Variants in SIPA1L1 observed in about 807,000 individuals in gnomAD.
SIPA1L1 encodes signal induced proliferation associated 1 like 1.
Under a neutral mutation model 162.7 loss-of-function variants are expected in SIPA1L1, and 26 were observed. That is an observed-to-expected ratio of 0.16 (90% CI 0.12 to 0.22). The LOEUF (loss-of-function observed/expected upper bound fraction) is 0.22, where lower values mean the gene tolerates loss of function less well. Ranked by LOEUF, SIPA1L1 falls within the 10% of genes least tolerant of loss-of-function variation. The pLI, the probability that SIPA1L1 is intolerant of heterozygous loss-of-function variation, is 1.00. For synonymous variants in SIPA1L1, 829 were observed against 837.4 expected, an observed-to-expected ratio of 0.99 and a Z score of 0.17; for missense variants, 1,874 against 2,241.0, an observed-to-expected ratio of 0.84 and a Z score of 3.31.
At chr14:71,517,848 A>G (rs1269419711) in intron 3 of SIPA1L1, among the ~76,000 whole-genome samples, 1 of 152,104 alleles carries the variant, frequency 6.6e-6, no homozygotes, top group Non-Finnish European at 1.5e-5. Context: ...CGGATTGTTT[A>G]TCTTATACAT....
At chr14:71,500,769 G>A (rs1360879261) in intron 2 of SIPA1L1, among the ~76,000 whole-genome samples, 1 of 152,224 alleles carries the variant, frequency 6.6e-6, no homozygotes, top group East Asian at 1.9e-4. Context: ...CACTTTGGGA[G>A]GCCAAGGCGG....
chr14:71,476,623 G>A (rs2047875585), intron 2 of SIPA1L1, among the ~76,000 whole-genome samples: 2 of 151,314 alleles, frequency 1.3e-5, no homozygotes, highest in South Asian at 2.1e-4. Context: ...TTGTGCCTCC[G>A]AATAACAAAT....
chr14:71,376,961 ATCTC>A (rs1179280180), intron 2 of SIPA1L1, among the ~76,000 whole-genome samples: 2 of 152,138 alleles, frequency 1.3e-5, no homozygotes, highest in African/African-American at 4.8e-5. Context: ...TAACAATCTG[ATCTC>A]TCTTTCTTTT....
rs749187893 is a variant in SIPA1L1 at position 71,733,801 on chromosome 14, A to G, written c.4997A>G (p.Lys1666Arg). ...TGGTCCAACCTGGTAGATGCTGCCAAAGCCTATGAGGGTGAGTCCACTGAA... is the reference window on the plus strand; with the variant it reads ...TGGTCCAACCTGGTAGATGCTGCCAGAGCCTATGAGGGTGAGTCCACTGAA... ...LDWSNLVDAA[K>R]AYEVQRASFF... is the part of the protein sequence containing the mutation. Residue 1666 changes from lysine to arginine, a missense_variant, in exon 21 of 24, where the codon AAA becomes AGA. Physicochemically the swap from Lys to Arg is conservative, Grantham distance 26 (BLOSUM62 2). Coordinates refer to ENST00000381232, the MANE Select transcript of SIPA1L1 (RefSeq NM_001386936.1). 1 of 1,612,584 alleles carries G rather than the reference A, an allele frequency of 6.2e-7. No individual in the cohort carries two copies. The highest frequency in any genetic ancestry group is 8.5e-7 in the Non-Finnish European group (1 of 1,179,938).
chr14:71,738,175 A>C (rs1175621926), intron 22 of SIPA1L1, 66 bp from the exon 23 acceptor site: 16 of 787,868 alleles, frequency 2.0e-5, no homozygotes, highest in Admixed American at 8.8e-5. Flanking sequence ...AAAAAAAAAA[A>C]AAAAAAAAAA....
intron 2 of SIPA1L1, among the ~76,000 whole-genome samples, 178 bp from the exon 3 acceptor site, chr14:71,512,565 G>A (rs1392746036): frequency 7.8e-5 from 11 of 140,534 alleles, no homozygotes; most frequent in Non-Finnish European, 1.7e-4. Flanking sequence ...CCAGCCTGGC[G>A]ACAGAGCGAG....
intron 12 of SIPA1L1, among the ~76,000 whole-genome samples, chr14:71,679,168 G>A (rs1017682876): frequency 6.6e-6 from 1 of 152,300 alleles, no homozygotes; most frequent in East Asian, 1.9e-4. Context: ...AGGAAAAAGT[G>A]TTAAGGGCAG....
intron 4 of SIPA1L1, among the ~76,000 whole-genome samples, chr14:71,532,705 A>G (rs1417040803): frequency 2.0e-5 from 3 of 152,220 alleles, no homozygotes; most frequent in Non-Finnish European, 4.4e-5. Flanking sequence ...CTTGTTCTTT[A>G]AAAGTATTAT....
intron 2 of SIPA1L1, among the ~76,000 whole-genome samples, chr14:71,462,011 T>C (rs932129553): frequency 6.6e-6 from 1 of 152,222 alleles, no homozygotes; most frequent in African/African-American, 2.4e-5. Flanking sequence ...CTTCAGGATG[T>C]GCTCGAGCGC....
chr14:71,440,903 G>A (rs1039630534), intron 2 of SIPA1L1, among the ~76,000 whole-genome samples: 4 of 152,058 alleles, frequency 2.6e-5, no homozygotes, highest in South Asian at 4.1e-4. Context: ...GTGAAGGTGC[G>A]TGATACCTCT....
At chr14:71,425,741 C>A (rs2043511992) in intron 2 of SIPA1L1, among the ~76,000 whole-genome samples, 1 of 151,986 alleles carries the variant, frequency 6.6e-6, no homozygotes, top group Non-Finnish European at 1.5e-5. Flanking sequence ...TTTTTTGAGT[C>A]CTCTGTTTCC....
chr14:71,630,564 G>A (rs982753024), intron 7 of SIPA1L1, among the ~76,000 whole-genome samples: 1 of 152,140 alleles, frequency 6.6e-6, no homozygotes, highest in East Asian at 1.9e-4. Flanking sequence ...TTGAATTGTG[G>A]ATTGTGTTTT....
intron 5 of SIPA1L1, among the ~76,000 whole-genome samples, chr14:71,610,765 C>T (rs901678677): frequency 2.6e-5 from 4 of 152,120 alleles, no homozygotes; most frequent in African/African-American, 9.7e-5. Context: ...TAACTTCATA[C>T]TAAAGTTTGC....
chr14:71,352,167 G>T (rs1209302685), intron 2 of SIPA1L1, among the ~76,000 whole-genome samples: 2 of 151,956 alleles, frequency 1.3e-5, no homozygotes, highest in Non-Finnish European at 2.9e-5. Context: ...AAGCACAAAT[G>T]TACCATGGGA....
At chr14:71,712,418 C>G (rs534609500) in intron 17 of SIPA1L1, among the ~76,000 whole-genome samples, 283 of 152,064 alleles carry the variant, frequency 1.9e-3, no homozygotes, top group African/African-American at 6.7e-3. Context: ...TTATTGCTCC[C>G]TAGAATATAT....
intron 2 of SIPA1L1, among the ~76,000 whole-genome samples, chr14:71,350,863 A>G (rs745709007): frequency 6.6e-5 from 10 of 152,210 alleles, no homozygotes; most frequent in Non-Finnish European, 1.3e-4. Flanking sequence ...TATGAACAAG[A>G]TGGGAAAATG....
At chr14:71,450,990 T>C (rs2045776081) in intron 2 of SIPA1L1, among the ~76,000 whole-genome samples, 1 of 152,138 alleles carries the variant, frequency 6.6e-6, no homozygotes, top group Admixed American at 6.5e-5. Context: ...AGCCAAGATA[T>C]GGAATCAATC....
At chr14:71,608,751 C>T (rs754761764) in intron 5 of SIPA1L1, among the ~76,000 whole-genome samples, 30 of 151,982 alleles carry the variant, frequency 2.0e-4, no homozygotes, top group Middle Eastern at 6.8e-3. Context: ...AGAGGTAAGC[C>T]GGGCGTGGTG....
chr14:71,440,042 G>GT (rs757510023), intron 2 of SIPA1L1, among the ~76,000 whole-genome samples: 2 of 152,098 alleles, frequency 1.3e-5, no homozygotes, highest in Non-Finnish European at 1.5e-5. Flanking sequence ...TTTTTTGTTT[G>GT]TTTTTTGAGA....
Sources: gnomAD v4.1 joint callset for allele counts (sites outside exome capture counted in the v4.1 genomes callset) on GRCh38, gnomAD v4.1.1 for gene constraint, MANE v1.5 for transcripts, NCBI Gene and HGNC (gene_info 2026-07-23, HGNC 2026-07-21) for gene names.